The following MME variants were observed in gnomAD, a reference collection of about 807,000 sequenced individuals.
MME encodes the protein neprilysin.
Under a neutral mutation model 113.2 loss-of-function variants are expected in MME, and 98 were observed. That is an observed-to-expected ratio of 0.87 (90% CI 0.74 to 1.02). MME has a LOEUF of 1.02. Among genes scored for constraint, MME ranks in the 50% least tolerant of loss-of-function variants. The pLI is 0.00. For synonymous variants in MME, 292 were observed against 300.6 expected, an observed-to-expected ratio of 0.97 and a Z score of 0.30; for missense variants, 836 against 896.0, an observed-to-expected ratio of 0.93 and a Z score of 0.86.
intron 17 of MME, among the ~76,000 whole-genome samples, chr3:155,164,938 A>G (rs184411011): frequency 6.6e-6 from 1 of 152,236 alleles, no homozygotes; most frequent in African/African-American, 2.4e-5. Context: ...CTTCTCTGTA[A>G]ATATCTAATA....
intron 1 of MME, chr3:155,083,550 C>G (rs1284374188): frequency 6.5e-6 from 1 of 153,870 alleles, no homozygotes; most frequent in African/African-American, 2.4e-5. Context: ...GTTGTCTAAC[C>G]AGTTAATAGA....
chr3:155,055,423 C>A (rs996073445), intron 1 of MME, among the ~76,000 whole-genome samples: 24 of 152,058 alleles, frequency 1.6e-4, no homozygotes, highest in Non-Finnish European at 4.4e-5. Flanking sequence ...CATGGTGAAA[C>A]CCCGTCTCTG....
At chr3:155,066,479 A>G (rs1445915012) in intron 1 of MME, among the ~76,000 whole-genome samples, 1 of 152,144 alleles carries the variant, frequency 6.6e-6, no homozygotes, top group Non-Finnish European at 1.5e-5. Context: ...TGTAAACCCT[A>G]GTTTTCCATG....
chr3:155,166,972 C>T lies in MME; in HGVS notation c.1731C>T (p.Gly577=), dbSNP rs1454129149. The change falls in exon 18 of 23, where the codon GGC becomes GGT. Residue 577 remains glycine (G), a synonymous_variant. Transcript: ENST00000360490. ...AGTCCAACTCATTGAACTATGGGGG[C>T]ATCGGCATGGTCATAGGACACGAAA... The part of the protein sequence containing the change: ...AQQSNSLNYG[G]IGMVIGHEIT... The T allele has an allele frequency of 1.9e-6, 3 of 1,613,628 alleles. No homozygotes were observed. The highest frequency in any genetic ancestry group is 1.7e-5 in the Admixed American group (1 of 59,958).
At chr3:155,098,079 A>G (rs889961250) in intron 3 of MME, among the ~76,000 whole-genome samples, 1 of 152,194 alleles carries the variant, frequency 6.6e-6, no homozygotes, top group Admixed American at 6.5e-5. Context: ...ACACACACAC[A>G]TATAAAAAAA....
rs201274391 is a variant in MME, at chr3:155,138,063, G to C, written c.721-39G>C. ...TTTTAAGTACCATGATGAATATTTA[G>C]AGCTACTCCAACAGTTTAGTGCTAT... On this transcript the variant is annotated intron_variant, in intron 8 of 22. Transcript: ENST00000360490. The C allele has an allele frequency of 2.7e-5, 43 of 1,609,228 alleles. No individual in the cohort carries two copies. The African/African-American group carries it at 4.4e-4, about 16-fold the overall frequency.
At chr3:155,143,616 T>C (rs1312285425) in intron 13 of MME, 45 bp downstream of exon 13, 2 of 1,600,954 alleles carry the variant, frequency 1.2e-6, no homozygotes, top group East Asian at 4.5e-5. Context: ...CAGGACACTA[T>C]CAGTTTGTTC....
Position 155,084,026 on chromosome 3 carries a change from T to C in MME, c.-10-132T>C, listed in dbSNP as rs934068733. 1.8e-5 allele frequency: 16 copies of C among 877,318 alleles called. No homozygotes were observed. The African/African-American group carries it at 2.2e-4, about 12-fold the overall frequency. 54.3% of individuals were successfully genotyped at this position (877,318 alleles called of 1,614,324 possible). On this transcript the variant is annotated intron_variant, in intron 1 of 22. Coordinates refer to ENST00000360490, the MANE Select transcript of MME (RefSeq NM_007289.4). ...TTGCATTCAGCAACAAAATTTTGACTTCTCAACAGCAAAAATGTATTTCTA... is the reference window on the plus strand; with the variant it reads ...TTGCATTCAGCAACAAAATTTTGACCTCTCAACAGCAAAAATGTATTTCTA...
chr3:155,087,136 C>G (rs989507643), intron 3 of MME, among the ~76,000 whole-genome samples: 22 of 151,554 alleles, frequency 1.5e-4, no homozygotes, highest in Non-Finnish European at 2.9e-5. Flanking sequence ...TGCACCCAGT[C>G]TTGGATATTC....
At chr3:155,109,473 G>C (rs1040129798) in intron 3 of MME, among the ~76,000 whole-genome samples, 7 of 152,138 alleles carry the variant, frequency 4.6e-5, no homozygotes, top group Non-Finnish European at 1.0e-4. Flanking sequence ...CCAATTATAA[G>C]GGACTGAAGT....
At chr3:155,158,910 AC>A (rs1052319141) in intron 16 of MME, 133 of 152,176 alleles carry the variant, frequency 8.7e-4, no homozygotes, top group African/African-American at 3.0e-3. Context: ...TCGATTTAAA[AC>A]AACAGCAGTA....
chr3:155,154,263 C>T lies in MME; in HGVS notation c.1601+5610C>T, dbSNP rs530045563. ...AGTGGAACCCCTAAAGCTGGCAGCT[C>T]AACATCTGTGACTCCGTGGTGCATA... On this transcript the variant is annotated intron_variant, in intron 16 of 22. Transcript: ENST00000360490. Among the ~76,000 whole-genome samples the T allele has an allele frequency of 9.9e-5, 15 of 152,182 alleles. No homozygotes were observed. The East Asian group carries it at 2.5e-3, about 26-fold the overall frequency.
At chr3:155,096,565 G>A (rs1263707364) in intron 3 of MME, among the ~76,000 whole-genome samples, 1 of 152,310 alleles carries the variant, frequency 6.6e-6, no homozygotes, top group East Asian at 1.9e-4. Context: ...GGTTTTAAAT[G>A]ACGCATGACT....
chr3:155,173,852 A>C (rs1019806298), intron 22 of MME, among the ~76,000 whole-genome samples: 1 of 152,032 alleles, frequency 6.6e-6, no homozygotes, highest in Non-Finnish European at 1.5e-5. Context: ...GGTAAGAAAC[A>C]CTTGAGTTCC....
intron 3 of MME, among the ~76,000 whole-genome samples, chr3:155,093,418 T>C (rs976105006): frequency 2.6e-5 from 4 of 152,172 alleles, no homozygotes; most frequent in African/African-American, 7.2e-5. Flanking sequence ...CAAAGACATA[T>C]GTGTCCAGGT....
At chr3:155,144,262 T>C (rs1463261793) in intron 13 of MME, 97 bp from the exon 14 acceptor site, 1 of 822,304 alleles carries the variant, frequency 1.2e-6, no homozygotes, top group East Asian at 2.5e-5. Flanking sequence ...TATTAACATA[T>C]TAAGTCATAC....
In MME at chr3:155,159,094, G is replaced by C. The variant is rs572929108; in HGVS notation, c.1602-1296G>C. 1.9e-3 allele frequency: 282 copies of C among 152,074 alleles called. 2 individuals are homozygous for C. The highest frequency in any genetic ancestry group is 6.6e-3 in the African/African-American group (274 of 41,502). The allele number at this position is 152,074 out of a possible 1,614,324, so 9.4% of individuals were successfully genotyped here. ...CAAAACCCATTCTTAGAATTTATCA[G>C]TCAGTTGTTATATATTGCCCTGTGC... On this transcript the variant is annotated intron_variant, in intron 16 of 22. Transcript: ENST00000360490.
chr3:155,143,118 C>T (rs1271485562), intron 12 of MME, among the ~76,000 whole-genome samples: 2 of 152,094 alleles, frequency 1.3e-5, no homozygotes, highest in Non-Finnish European at 1.5e-5. Context: ...TCCCCCATTA[C>T]ATTTATTGAA....
intron 1 of MME, among the ~76,000 whole-genome samples, chr3:155,064,617 T>C (rs1714325877): frequency 1.3e-5 from 2 of 152,220 alleles, no homozygotes; most frequent in Non-Finnish European, 2.9e-5. Context: ...GAATACTCTT[T>C]CACTCCTGCA....
Sources: gnomAD v4.1 joint callset for allele counts (sites outside exome capture counted in the v4.1 genomes callset) on GRCh38, gnomAD v4.1.1 for gene constraint, MANE v1.5 for transcripts, NCBI Gene and HGNC (gene_info 2026-07-23, HGNC 2026-07-21) for gene names.